The following MEIKIN variants were observed in gnomAD, a reference collection of about 807,000 sequenced individuals.
The protein encoded by MEIKIN is meiosis-specific kinetochore protein.
chr5:131,894,897 C>G (rs1250148389), intron 8 of MEIKIN, among the ~76,000 whole-genome samples: 1 of 152,150 alleles, frequency 6.6e-6, no homozygotes, highest in African/African-American at 2.4e-5. Flanking sequence ...TTATTTCTTT[C>G]TTTTGCCTGG....
chr5:131,872,212 G>A (rs1163049734), intron 9 of MEIKIN, among the ~76,000 whole-genome samples: 3 of 150,104 alleles, frequency 2.0e-5, no homozygotes, highest in Admixed American at 1.3e-4. Context: ...GCTAAAGGAG[G>A]AAGTTCAAAC....
chr5:131,880,320 C>G (rs1750683784), intron 8 of MEIKIN, among the ~76,000 whole-genome samples: 1 of 147,618 alleles, frequency 6.8e-6, no homozygotes, highest in Non-Finnish European at 1.5e-5. Flanking sequence ...CCAGGCTGGT[C>G]TCAAACTCCT....
chr5:131,817,566 A>G (rs1773124398), intron 12 of MEIKIN, among the ~76,000 whole-genome samples: 1 of 151,236 alleles, frequency 6.6e-6, no homozygotes, highest in African/African-American at 2.4e-5. Flanking sequence ...CAGTGAACTG[A>G]GATTGCGCCA....
Position 131,921,333 on chromosome 5 carries a change from G to A in MEIKIN, c.598+489C>T, listed in dbSNP as rs552389327. 2.8e-3 allele frequency among the ~76,000 whole-genome samples: 432 copies of A among 152,196 alleles called. 1 individual carries two copies. Among genetic ancestry groups the A allele is most frequent in the South Asian group, 0.013 (61 of 4,820 alleles). ...TTGAGACCAGCCTGGGCAACATAGC[G>A]AGACTCCATCTCTAGAAAAAATTGT... On this transcript the variant is annotated intron_variant, in intron 6 of 12. Transcript: ENST00000442687.
intron 7 of MEIKIN, among the ~76,000 whole-genome samples, chr5:131,912,334 G>A (rs1321651366): frequency 6.6e-6 from 1 of 151,332 alleles, no homozygotes; most frequent in Non-Finnish European, 1.5e-5. Flanking sequence ...TTGAGAGAGG[G>A]TCTTGCTCTG....
At chr5:131,930,525 C>A (rs1000721165) in intron 5 of MEIKIN, among the ~76,000 whole-genome samples, 12 of 152,164 alleles carry the variant, frequency 7.9e-5, no homozygotes, top group South Asian at 6.2e-4. Context: ...GTTTTTCTTG[C>A]AATTGCTTTT....
At chr5:131,878,932 A>G (rs1750658333) in intron 9 of MEIKIN, 46 bp downstream of exon 9, 2 of 397,718 alleles carry the variant, frequency 5.0e-6, no homozygotes, top group Non-Finnish European at 8.9e-6. Flanking sequence ...TTCTTTATTA[A>G]TGAAATGTAT....
At chr5:131,943,198 GA>G (rs1004993456) in intron 3 of MEIKIN, among the ~76,000 whole-genome samples, 1 of 151,534 alleles carries the variant, frequency 6.6e-6, no homozygotes, top group Non-Finnish European at 1.5e-5. Context: ...AATAATTTGA[GA>G]AAAAAAATAT....
chr5:131,931,757 T>C (rs1448816928), intron 5 of MEIKIN, among the ~76,000 whole-genome samples: 1 of 152,248 alleles, frequency 6.6e-6, no homozygotes, highest in South Asian at 2.1e-4. Flanking sequence ...TATATTGCTG[T>C]TGAATTGGTG....
At chr5:131,869,540 T>C (rs1470153233) in intron 9 of MEIKIN, among the ~76,000 whole-genome samples, 1 of 152,178 alleles carries the variant, frequency 6.6e-6, no homozygotes, top group African/African-American at 2.4e-5. Context: ...TTCTGAAAAA[T>C]ACTTTCTCCT....
At chr5:131,938,994 A>G (rs1159343744) in intron 4 of MEIKIN, among the ~76,000 whole-genome samples, 1 of 152,224 alleles carries the variant, frequency 6.6e-6, no homozygotes, top group Non-Finnish European at 1.5e-5. Flanking sequence ...GAAACTTCCA[A>G]AAGAGGAATC....
Position 131,851,387 on chromosome 5 carries a change from T to C in MEIKIN, c.856-4A>G. On this transcript the variant is annotated splice_polypyrimidine_tract_variant and splice_region_variant and intron_variant, in intron 10 of 12. Coordinates refer to ENST00000442687, the MANE Select transcript of MEIKIN (RefSeq NM_001303622.2). The stretch of plus-strand genomic sequence containing the variant: ...TTTGCACTGAGGACAAATCAATCTA[T>C]AAAAGAATACATTATTGTTTTGTGG... 2.5e-6 allele frequency: 1 copy of C among 397,868 alleles called. No homozygotes were observed. Among genetic ancestry groups the C allele is most frequent in the Non-Finnish European group, 4.4e-6 (1 of 225,318 alleles). 24.6% of individuals were successfully genotyped at this position (397,868 alleles called of 1,614,324 possible).
chr5:131,937,490 A>T (rs1364943465), intron 4 of MEIKIN, among the ~76,000 whole-genome samples: 1 of 152,060 alleles, frequency 6.6e-6, no homozygotes, highest in East Asian at 1.9e-4. Context: ...ACTACAGGCC[A>T]GGTCTCCTTC....
At chr5:131,908,560 T>C (rs1024390765) in intron 8 of MEIKIN, among the ~76,000 whole-genome samples, 1 of 152,128 alleles carries the variant, frequency 6.6e-6, no homozygotes, top group Non-Finnish European at 1.5e-5. Context: ...TTCAACATAG[T>C]ATCGGAAGTC....
chr5:131,914,863 G>C (rs1751392967), intron 7 of MEIKIN, among the ~76,000 whole-genome samples: 1 of 152,080 alleles, frequency 6.6e-6, no homozygotes, highest in African/African-American at 2.4e-5. Context: ...TATGCAGATA[G>C]GGGTAATAAA....
intron 5 of MEIKIN, among the ~76,000 whole-genome samples, chr5:131,930,297 G>C (rs1469287882): frequency 6.6e-6 from 1 of 152,042 alleles, no homozygotes; most frequent in East Asian, 1.9e-4. Flanking sequence ...TACTTCTTTA[G>C]TCTTCTTTAT....
At chr5:131,839,879 G>C (rs1749873553) in intron 11 of MEIKIN, among the ~76,000 whole-genome samples, 1 of 152,150 alleles carries the variant, frequency 6.6e-6, no homozygotes, top group South Asian at 2.1e-4. Flanking sequence ...GTATGGATTT[G>C]ATCCTGTCAT....
chr5:131,871,925 G>A (rs1327439372), intron 9 of MEIKIN, among the ~76,000 whole-genome samples: 2 of 152,190 alleles, frequency 1.3e-5, no homozygotes, highest in African/African-American at 4.8e-5. Context: ...CAACAGACCT[G>A]CAGCTGAGGG....
chr5:131,877,230 A>G (rs941810443), intron 9 of MEIKIN, among the ~76,000 whole-genome samples: 1 of 152,138 alleles, frequency 6.6e-6, no homozygotes, highest in Non-Finnish European at 1.5e-5. Context: ...GTAAAAACAA[A>G]CAAACAGAAA....
Sources: gnomAD v4.1 joint callset for allele counts (sites outside exome capture counted in the v4.1 genomes callset) on GRCh38, gnomAD v4.1.1 for gene constraint, MANE v1.5 for transcripts, NCBI Gene and HGNC (gene_info 2026-07-23, HGNC 2026-07-21) for gene names.